Variants in WIPI1 observed in about 807,000 individuals in gnomAD.
WIPI1 encodes the protein WD repeat domain, phosphoinositide interacting 1, also known as WD repeat domain phosphoinositide-interacting protein 1.
WIPI1 carries 45 observed loss-of-function variants against 55.3 expected under a neutral mutation model. That is an observed-to-expected ratio of 0.81 (90% CI 0.64 to 1.04). WIPI1 has a LOEUF of 1.04. WIPI1 is among the 50% of genes least tolerant of loss of function. The pLI is 0.00. For synonymous variants in WIPI1, 195 were observed against 217.6 expected, an observed-to-expected ratio of 0.90 and a Z score of 0.92; for missense variants, 445 against 559.0, an observed-to-expected ratio of 0.80 and a Z score of 2.06.
intron 1 of WIPI1, among the ~76,000 whole-genome samples, chr17:68,456,727 TG>T (rs1480671525): frequency 6.6e-6 from 1 of 152,060 alleles, no homozygotes; most frequent in Non-Finnish European, 1.5e-5. Flanking sequence ...GGGTGGGCGA[TG>T]TGAAAACAGC....
intron 12 of WIPI1, chr17:68,422,765 A>C (rs1400528307): frequency 6.7e-6 from 1 of 148,196 alleles, no homozygotes; most frequent in Non-Finnish European, 1.5e-5. Context: ...AGGGAAGGTC[A>C]GTTTATACCC....
chr17:68,431,630 G>T (rs2083515703), intron 8 of WIPI1, among the ~76,000 whole-genome samples: 1 of 66,062 alleles, frequency 1.5e-5, no homozygotes, highest in Non-Finnish European at 3.1e-5. Context: ...AAAGAGACTG[G>T]AAAGTCAGAC....
In WIPI1 at chr17:68,452,041, C is replaced by T. The variant is rs927753250; in HGVS notation, c.163+869G>A. On this transcript the variant is annotated intron_variant, in intron 2 of 12. Coordinates refer to ENST00000262139, the MANE Select transcript of WIPI1 (RefSeq NM_017983.7). ...ATTATTTACTGAACCACTTTTTTTCCAGGAAACTGAAAGGTTGTATATTGT... is the reference window on the plus strand; with the variant it reads ...ATTATTTACTGAACCACTTTTTTTCTAGGAAACTGAAAGGTTGTATATTGT... Among the ~76,000 whole-genome samples, 8 of 152,114 alleles carry T rather than the reference C, an allele frequency of 5.3e-5. No individual in the cohort carries two copies. The South Asian group carries it at 8.3e-4, about 16-fold the overall frequency.
At chr17:68,433,395 T>G (rs62085918) in intron 8 of WIPI1, 73 bp downstream of exon 8, 2 of 1,316,604 alleles carry the variant, frequency 1.5e-6, no homozygotes, top group Non-Finnish European at 2.2e-6. Flanking sequence ...AAAGAGATCA[T>G]TCATGCCAGT....
intron 4 of WIPI1, among the ~76,000 whole-genome samples, chr17:68,441,558 G>A (rs1183103540): frequency 6.6e-6 from 1 of 152,138 alleles, no homozygotes; most frequent in East Asian, 1.9e-4. Context: ...TGTATAATTG[G>A]CAGGGCGGAG....
At chr17:68,428,664 A>G (rs548699259) in intron 10 of WIPI1, 165 bp downstream of exon 10, 118 of 589,732 alleles carry the variant, frequency 2.0e-4, no homozygotes, top group Non-Finnish European at 3.4e-4. Flanking sequence ...AGGGCACCTG[A>G]CACAGAGCCC....
rs142799944 is a variant in WIPI1 at position 68,441,879 on chromosome 17, A to G, written c.430+2614T>C. Among the ~76,000 whole-genome samples, 4 of 152,344 alleles carry G rather than the reference A, an allele frequency of 2.6e-5. No individual in the cohort carries two copies. The East Asian group carries it at 7.7e-4, about 29-fold the overall frequency. On this transcript the variant is annotated intron_variant, in intron 4 of 12. Transcript: ENST00000262139. ...TATCTCCAAAGAACATCAGAGGTCT[A>G]AAAAGACACAGTTTGCTCCTGGTCT...
intron 3 of WIPI1, among the ~76,000 whole-genome samples, chr17:68,445,385 C>T (rs879265071): frequency 6.6e-6 from 1 of 152,204 alleles, no homozygotes; most frequent in Non-Finnish European, 1.5e-5. Flanking sequence ...ATCACCAAAT[C>T]TTAGGTTTTA....
rs2084675414 is a variant in WIPI1, at chr17:68,457,430, CG to C, written c.-10del. 6.8e-7 allele frequency: 1 copy of C among 1,469,332 alleles called. No individual in the cohort carries two copies. Among genetic ancestry groups the C allele is most frequent in the Admixed American group, 2.4e-5 (1 of 41,692 alleles). 91.0% of individuals were successfully genotyped at this position (1,469,332 alleles called of 1,614,324 possible). ...GCGGCCTCGGCCTCCATCGGGGGCT[CG>C]GCCCGGGAAGCCGCAGCTCGGAGCC... On this transcript the variant is annotated 5_prime_UTR_variant, in exon 1 of 13. Coordinates refer to ENST00000262139, the MANE Select transcript of WIPI1 (RefSeq NM_017983.7).
chr17:68,425,175 C>T (rs1236724423), intron 12 of WIPI1, among the ~76,000 whole-genome samples: 7 of 152,204 alleles, frequency 4.6e-5, no homozygotes, highest in Non-Finnish European at 7.3e-5. Context: ...TCCTGCCCTG[C>T]ACCTGCTGCC....
At chr17:68,436,502 T>C (rs780803618) in intron 4 of WIPI1, 23 bp from the exon 5 acceptor site, 6 of 1,608,144 alleles carry the variant, frequency 3.7e-6, no homozygotes, top group Admixed American at 3.3e-5. Flanking sequence ...AAACAGAACA[T>C]GAGAAGCCTG....
chr17:68,429,647 G>A (rs2083418988), intron 9 of WIPI1, among the ~76,000 whole-genome samples: 1 of 152,118 alleles, frequency 6.6e-6, no homozygotes, highest in Non-Finnish European at 1.5e-5. Context: ...GGAGTGCAGT[G>A]GCATGATCTC....
rs764558394 is a variant in WIPI1, at chr17:68,434,633, A to G, written c.622-7T>C. 3 of 1,613,946 alleles carry G rather than the reference A, an allele frequency of 1.9e-6. No individual in the cohort carries two copies. Among genetic ancestry groups the G allele is most frequent in the Non-Finnish European group, 1.7e-6 (2 of 1,179,860 alleles). On this transcript the variant is annotated splice_region_variant and splice_polypyrimidine_tract_variant and intron_variant, in intron 6 of 12. Transcript: ENST00000262139. ...ACACCCGGATGACTGTGCCCTGGAA[A>G]AGAAAGCAGGTGGACATTTCATAAC...
chr17:68,431,420 G>A (rs2083505228), intron 8 of WIPI1, among the ~76,000 whole-genome samples: 1 of 152,062 alleles, frequency 6.6e-6, no homozygotes, highest in Non-Finnish European at 1.5e-5. Context: ...TGTCTCTGTG[G>A]CTGGAGGAAA....
chr17:68,453,123 G>A, intron 1 of WIPI1, 131 bp from the exon 2 acceptor site: 1 of 631,908 alleles, frequency 1.6e-6, no homozygotes. Flanking sequence ...TTAGATCCTT[G>A]GTAACTTCCT....
intron 3 of WIPI1, among the ~76,000 whole-genome samples, chr17:68,447,112 C>T (rs1276027645): frequency 6.6e-6 from 1 of 152,170 alleles, no homozygotes; most frequent in Non-Finnish European, 1.5e-5. Flanking sequence ...AGCAATAACT[C>T]CTTTTATCAA....
At position 68,450,850 on chromosome 17, in the gene WIPI1, G is replaced by T; in HGVS notation, c.211C>A (p.Leu71Met). ...YIVERLFSSS[L>M]VVVVSHTKPR... ...TTTGTGTGACTGACTACCACCACCA[G>T]GCTGCTGGAGAAGAGGCGCTCCACG... The change falls in exon 3 of 13, where the codon CTG becomes ATG. Residue 71 changes from leucine to methionine, a missense_variant. Coordinates refer to ENST00000262139, the MANE Select transcript of WIPI1 (RefSeq NM_017983.7). 1 of 1,614,092 alleles carries T rather than the reference G, an allele frequency of 6.2e-7. No homozygotes were observed. The highest frequency in any genetic ancestry group is 8.5e-7 in the Non-Finnish European group (1 of 1,180,014).
chr17:68,447,721 G>A (rs895274095), intron 3 of WIPI1, among the ~76,000 whole-genome samples: 4 of 152,068 alleles, frequency 2.6e-5, no homozygotes, highest in South Asian at 2.1e-4. Flanking sequence ...GGCCAGGTGC[G>A]GTGGCTCACA....
At chr17:68,450,994 A>G in intron 2 of WIPI1, 97 bp from the exon 3 acceptor site, 2 of 1,477,746 alleles carry the variant, frequency 1.4e-6, no homozygotes, top group Non-Finnish European at 1.8e-6. Context: ...CCAGGTTCCA[A>G]AGGTTCTCCG....
Sources: gnomAD v4.1 joint callset for allele counts (sites outside exome capture counted in the v4.1 genomes callset) on GRCh38, gnomAD v4.1.1 for gene constraint, MANE v1.5 for transcripts, NCBI Gene and HGNC (gene_info 2026-07-23, HGNC 2026-07-21) for gene names.